Variants in ANK3 observed in about 807,000 individuals in gnomAD.
The protein encoded by ANK3 is ankyrin-3.
Under a neutral mutation model 370.9 loss-of-function variants are expected in ANK3, and 57 were observed. The observed-to-expected ratio is 0.15, with a 90% CI of 0.12 to 0.19. The LOEUF is 0.19. ANK3 is among the 10% of genes least tolerant of loss of function. The pLI, the probability that ANK3 is intolerant of heterozygous loss-of-function variation, is 1.00. For missense variants in ANK3, 4,439 were observed against 5,302.1 expected (o/e 0.84, Z 5.06); for synonymous variants, 1,929 against 1,946.3 (o/e 0.99, Z 0.23).
intron 1 of ANK3, among the ~76,000 whole-genome samples, chr10:60,619,546 C>G (rs571311218): frequency 2.9e-4 from 44 of 152,214 alleles, no homozygotes; most frequent in Admixed American, 1.3e-3. Flanking sequence ...AACAAAAATG[C>G]TTGGTTCTTG....
intron 25 of ANK3, among the ~76,000 whole-genome samples, chr10:60,119,400 T>G (rs10740009): frequency 0.69 from 105,440 of 152,210 alleles, 37,240 homozygotes; most frequent in East Asian, 0.93. Flanking sequence ...GACATGTTAC[T>G]GTGCATAGCA....
chr10:60,137,213 G>C (rs1181325279), intron 24 of ANK3: 3 of 176,660 alleles, frequency 1.7e-5, no homozygotes, highest in Middle Eastern at 5.0e-4. Context: ...TAAAGCTTTT[G>C]AGCAGAAAAA....
intron 2 of ANK3, among the ~76,000 whole-genome samples, chr10:60,599,793 A>G (rs2078035601): frequency 6.6e-6 from 1 of 152,176 alleles, no homozygotes; most frequent in Non-Finnish European, 1.5e-5. Context: ...AGCCATCTAG[A>G]GATTTCATAT....
intron 2 of ANK3, among the ~76,000 whole-genome samples, chr10:60,474,030 G>A (rs1363284611): frequency 2.6e-5 from 4 of 151,212 alleles, no homozygotes; most frequent in Non-Finnish European, 4.4e-5. Context: ...CTACTTGGGA[G>A]GCTGAGGCGG....
At chr10:60,428,050 C>G (rs1193941907) in intron 2 of ANK3, among the ~76,000 whole-genome samples, 1 of 152,124 alleles carries the variant, frequency 6.6e-6, no homozygotes, top group Non-Finnish European at 1.5e-5. Flanking sequence ...CAGCAGTATC[C>G]TGCACTTATC....
chr10:60,527,356 G>A lies in ANK3; in HGVS notation c.96+87830C>T, dbSNP rs567490659. 2.1e-4 allele frequency among the ~76,000 whole-genome samples: 32 copies of A among 152,128 alleles called. No homozygotes were observed. In the South Asian group the frequency reaches 6.4e-3, roughly 31 times the overall value. On this transcript the variant is annotated intron_variant, in intron 2 of 43. Transcript: ENST00000373827. ...ATCAATGTACACTATGTAACCATACGCAGGAGAAGTCTTTTGTTTTTAGTA... is the reference window on the plus strand; with the variant it reads ...ATCAATGTACACTATGTAACCATACACAGGAGAAGTCTTTTGTTTTTAGTA...
intron 1 of ANK3, among the ~76,000 whole-genome samples, chr10:60,296,542 T>C (rs2042554552): frequency 6.6e-6 from 1 of 152,244 alleles, no homozygotes; most frequent in Non-Finnish European, 1.5e-5. Context: ...TTGTTAGGAC[T>C]AACTGGTAAC....
At chr10:60,147,281 G>C (rs2094875568) in intron 23 of ANK3, among the ~76,000 whole-genome samples, 1 of 152,160 alleles carries the variant, frequency 6.6e-6, no homozygotes, top group African/African-American at 2.4e-5. Context: ...TGGAGCCTCA[G>C]AGAAAAACTG....
chr10:60,368,714 A>G (rs75362238), intron 1 of ANK3, among the ~76,000 whole-genome samples: 4,976 of 152,328 alleles, frequency 0.033, 113 homozygotes, highest in Non-Finnish European at 0.051. Flanking sequence ...GAATGCTGTC[A>G]TGTGTTTTAG....
At chr10:60,403,298 A>C (rs1334311725) in intron 2 of ANK3, among the ~76,000 whole-genome samples, 1 of 152,184 alleles carries the variant, frequency 6.6e-6, no homozygotes, top group African/African-American at 2.4e-5. Context: ...TATCACACCA[A>C]CTGTTTCAGA....
At position 60,074,435 on chromosome 10, in the gene ANK3, G is replaced by A; in HGVS notation, c.6446C>T (p.Pro2149Leu). 6.2e-7 allele frequency: 1 copy of A among 1,614,048 alleles called. No homozygotes were observed. Among genetic ancestry groups the A allele is most frequent in the Non-Finnish European group, 8.5e-7 (1 of 1,179,984 alleles). ...GGGAACTTCATGAAAAAGTGGTTTA[G>A]GACCAGTGCTTTCAGCGCTTTGTGG... The part of the protein sequence containing the change: ...SAPQSAESTG[P>L]KPLFHEVPIP... The change falls in exon 37 of 44, where the codon CCT (proline) becomes CTT (leucine). Residue 2149 changes from proline (P) to leucine (L), a missense_variant. Transcript: ENST00000280772.
intron 8 of ANK3, among the ~76,000 whole-genome samples, chr10:60,233,481 T>C (rs909318374): frequency 3.3e-5 from 5 of 152,220 alleles, no homozygotes; most frequent in Non-Finnish European, 7.3e-5. Context: ...GGTCTCACTC[T>C]GTTGCTGAGG....
intron 11 of ANK3, among the ~76,000 whole-genome samples, chr10:60,204,746 TG>T (rs757323646): frequency 7.9e-5 from 12 of 151,974 alleles, no homozygotes; most frequent in Admixed American, 3.3e-4. Context: ...CTTCAGCCTC[TG>T]GGGTTCTTGG....
intron 1 of ANK3, among the ~76,000 whole-genome samples, chr10:60,660,580 T>C (rs1229032831): frequency 6.6e-6 from 1 of 152,140 alleles, no homozygotes; most frequent in Non-Finnish European, 1.5e-5. Flanking sequence ...TTTCTTTGCA[T>C]GTCTAGTGGG....
At chr10:60,489,521 A>G (rs1217995184) in intron 2 of ANK3, among the ~76,000 whole-genome samples, 1 of 152,210 alleles carries the variant, frequency 6.6e-6, no homozygotes, top group Non-Finnish European at 1.5e-5. Context: ...ACTCAAAGAA[A>G]AGCCACAGTT....
chr10:60,305,894 C>T (rs187856024), intron 1 of ANK3, among the ~76,000 whole-genome samples: 30 of 152,254 alleles, frequency 2.0e-4, no homozygotes, highest in East Asian at 7.7e-4. Flanking sequence ...ACTGAAAGTG[C>T]CGCTTTCACA....
intron 1 of ANK3, among the ~76,000 whole-genome samples, chr10:60,351,625 G>A (rs1031892645): frequency 7.9e-5 from 12 of 152,174 alleles, no homozygotes; most frequent in Admixed American, 7.2e-4. Flanking sequence ...AAGGTGTTAA[G>A]TTCTATTTTG....
At chr10:60,253,453 A>C (rs2097695417) in intron 7 of ANK3, among the ~76,000 whole-genome samples, 1 of 152,264 alleles carries the variant, frequency 6.6e-6, no homozygotes, top group Non-Finnish European at 1.5e-5. Context: ...GAATTCAAGT[A>C]TATAAATGGA....
chr10:60,473,107 TA>T (rs1357135658), intron 2 of ANK3, among the ~76,000 whole-genome samples: 2 of 152,130 alleles, frequency 1.3e-5, no homozygotes, highest in East Asian at 1.9e-4. Flanking sequence ...GAATATCAAA[TA>T]AAAAAAGATA....
Sources: allele counts gnomAD v4.1 joint callset (sites outside exome capture counted in the v4.1 genomes callset), GRCh38; gene constraint gnomAD v4.1.1; transcripts MANE v1.5; gene names NCBI Gene and HGNC (gene_info 2026-07-23, HGNC 2026-07-21).